Variants in FLI1 observed in about 807,000 individuals in gnomAD.
FLI1 encodes Fli-1 proto-oncogene, ETS transcription factor.
Under a neutral mutation model 53.1 loss-of-function variants are expected in FLI1, and 13 were observed. The observed-to-expected ratio is 0.24, with a 90% CI of 0.16 to 0.39. The LOEUF is 0.39. Ranked by LOEUF, FLI1 falls within the 10% of genes least tolerant of loss-of-function variation. The probability of loss-of-function intolerance (pLI) is 1.00; values close to 1 mark genes in which losing one functional copy is unlikely to be tolerated. For synonymous variants in FLI1, 244 were observed against 236.7 expected (o/e 1.03, Z -0.28); for missense variants, 424 against 600.5 (o/e 0.71, Z 3.07).
intron 5 of FLI1, among the ~76,000 whole-genome samples, chr11:128,793,328 G>A (rs922056644): frequency 7.9e-5 from 12 of 151,968 alleles, no homozygotes; most frequent in Admixed American, 2.6e-4. Context: ...TTAAAGACAC[G>A]TCCAGGATGC....
intron 5 of FLI1, chr11:128,804,599 C>T (rs1942726969): frequency 6.6e-6 from 1 of 152,278 alleles, no homozygotes; most frequent in Admixed American, 6.5e-5. Flanking sequence ...AGGTCTCCAA[C>T]CTCTCATTTC....
chr11:128,798,062 G>A (rs1267935303), intron 5 of FLI1, among the ~76,000 whole-genome samples: 2 of 152,144 alleles, frequency 1.3e-5, no homozygotes, highest in Non-Finnish European at 2.9e-5. Flanking sequence ...AGGGCAGAGG[G>A]CGTTGCGTAT....
chr11:128,750,175 G>C (rs1285146624), intron 1 of FLI1, among the ~76,000 whole-genome samples: 1 of 152,240 alleles, frequency 6.6e-6, no homozygotes. Flanking sequence ...CCTGCACTGG[G>C]AGCGGCGGAG....
intron 1 of FLI1, 99 bp downstream of exon 1, chr11:128,694,375 T>A: frequency 1.0e-6 from 1 of 960,292 alleles, no homozygotes; most frequent in Non-Finnish European, 1.4e-6. Context: ...AGACGTGGCC[T>A]CTCTCCCTTC....
upstream of FLI1, among the ~76,000 whole-genome samples, chr11:128,691,325 T>C (rs73571648): frequency 0.011 from 1,669 of 152,154 alleles, 32 homozygotes; most frequent in African/African-American, 0.038. Flanking sequence ...AGCAGTGGAG[T>C]TGACCATCAA....
chr11:128,782,200 G>T (rs1565497719), intron 5 of FLI1, among the ~76,000 whole-genome samples, 177 bp downstream of exon 5: 1 of 152,102 alleles, frequency 6.6e-6, no homozygotes, highest in Non-Finnish European at 1.5e-5. Flanking sequence ...ATACAGTAAA[G>T]AAAGTTTTAC....
chr11:128,765,769 AGT>A (rs1268374441), intron 2 of FLI1, among the ~76,000 whole-genome samples: 2 of 151,996 alleles, frequency 1.3e-5, no homozygotes, highest in Non-Finnish European at 2.9e-5. Context: ...CATGTGCGTG[AGT>A]GTGTGTGTAT....
chr11:128,804,742 G>T lies in FLI1; in HGVS notation c.656-624G>T, dbSNP rs532331842. 10 of 152,398 alleles carry T rather than the reference G, an allele frequency of 6.6e-5. No individual in the cohort carries two copies. The South Asian group carries it at 1.2e-3, about 19-fold the overall frequency. 9.4% of individuals were successfully genotyped at this position (152,398 alleles called of 1,614,324 possible). A position where few individuals can be genotyped will look rare whatever the true frequency, so the allele number is the denominator to read the frequency against. On this transcript the variant is annotated intron_variant, in intron 5 of 8. Transcript: ENST00000527786. Reference sequence around the variant, plus strand: ...GCCTGGAATGTGCTCCCACCGCTGTGATGTCATCCCACATCATCCATGTGC... The same window carrying T: ...GCCTGGAATGTGCTCCCACCGCTGTTATGTCATCCCACATCATCCATGTGC...
upstream of FLI1, chr11:128,693,398 G>A (rs986309117): frequency 1.3e-5 from 2 of 154,202 alleles, no homozygotes; most frequent in African/African-American, 2.4e-5. Context: ...GGGCCTGAGT[G>A]GAAAAATTCT....
chr11:128,691,492 G>A (rs968012021), upstream of FLI1, among the ~76,000 whole-genome samples: 17 of 152,086 alleles, frequency 1.1e-4, no homozygotes, highest in African/African-American at 4.1e-4. Context: ...CTCCCAGGGG[G>A]CTGAAAATCG....
At chr11:128,761,171 C>A (rs972547119) in intron 2 of FLI1, among the ~76,000 whole-genome samples, 6 of 152,214 alleles carry the variant, frequency 3.9e-5, no homozygotes, top group African/African-American at 7.2e-5. Context: ...TGCTCCTAGA[C>A]CCCCAGGCAC....
intron 2 of FLI1, among the ~76,000 whole-genome samples, chr11:128,759,766 C>T (rs670809): frequency 0.74 from 112,048 of 152,170 alleles, 41,358 homozygotes; most frequent in African/African-American, 0.8. Context: ...CAGATAAAAA[C>T]GTCTACTAGG....
Position 128,764,654 on chromosome 11 carries a change from C to T in FLI1, c.231-3464C>T, listed in dbSNP as rs1591792594. On this transcript the variant is annotated intron_variant, in intron 2 of 8. Coordinates refer to ENST00000527786, the MANE Select transcript of FLI1 (RefSeq NM_002017.5). ...TTTCATCAAGCCTTCTTCACAGGCG[C>T]CAGCTGCCTCATTAAAGAGCAGCCT... 6.5e-6 allele frequency: 10 copies of T among 1,533,264 alleles called. No homozygotes were observed. The East Asian group carries it at 2.4e-4, about 38-fold the overall frequency. The allele number at this position is 1,533,264 out of a possible 1,614,324, so 95.0% of individuals were successfully genotyped here.
intron 1 of FLI1, among the ~76,000 whole-genome samples, chr11:128,719,331 G>A (rs1184979272): frequency 2.0e-5 from 3 of 150,390 alleles, no homozygotes; most frequent in Non-Finnish European, 4.4e-5. Context: ...GTCTGCGTGT[G>A]TGTGTACTCT....
chr11:128,760,834 G>T (rs954283442), intron 2 of FLI1, among the ~76,000 whole-genome samples: 2 of 152,086 alleles, frequency 1.3e-5, no homozygotes, highest in Non-Finnish European at 1.5e-5. Context: ...CTTTGTTGGA[G>T]ATTCTCTGGC....
Position 128,736,431 on chromosome 11 carries a change from T to C in FLI1, c.19-21684T>C, listed in dbSNP as rs1173687910. On this transcript the variant is annotated intron_variant, in intron 1 of 8. Transcript: ENST00000527786. Reference sequence around the variant, plus strand: ...AAGATACACTCTTGTAGCAGGCTTGTCATACTTGAAATTCTAACTGGTAGC... The same window carrying C: ...AAGATACACTCTTGTAGCAGGCTTGCCATACTTGAAATTCTAACTGGTAGC... 1.2e-4 allele frequency among the ~76,000 whole-genome samples: 18 copies of C among 152,230 alleles called. No homozygotes were observed. In the South Asian group the frequency reaches 3.1e-3, roughly 26 times the overall value.
chr11:128,745,789 G>A (rs2135784185), intron 1 of FLI1, among the ~76,000 whole-genome samples: 1 of 152,274 alleles, frequency 6.6e-6, no homozygotes, highest in African/African-American at 2.4e-5. Flanking sequence ...GGCTGATTTT[G>A]CCTTCGTCCC....
chr11:128,801,031 C>T (rs1212262636), intron 5 of FLI1, among the ~76,000 whole-genome samples: 6 of 152,376 alleles, frequency 3.9e-5, no homozygotes, highest in Non-Finnish European at 7.3e-5. Context: ...TCTGCCACCA[C>T]AGAAACAGAC....
intron 1 of FLI1, among the ~76,000 whole-genome samples, chr11:128,716,425 G>A (rs1194662514): frequency 6.6e-6 from 1 of 152,176 alleles, no homozygotes; most frequent in African/African-American, 2.4e-5. Flanking sequence ...ATTTGGCATT[G>A]ACTTTCATTT....
Sources: gnomAD v4.1 joint callset for allele counts (sites outside exome capture counted in the v4.1 genomes callset) on GRCh38, gnomAD v4.1.1 for gene constraint, MANE v1.5 for transcripts, NCBI Gene and HGNC (gene_info 2026-07-23, HGNC 2026-07-21) for gene names.